Variants in CYFIP1 observed in about 807,000 individuals in gnomAD.
CYFIP1 encodes the protein cytoplasmic FMR1-interacting protein 1.
A neutral mutation model predicts 163.5 loss-of-function variants in CYFIP1; 58 were observed. That is an observed-to-expected ratio of 0.35 (90% CI 0.29 to 0.44). The LOEUF is 0.44. CYFIP1 is among the 20% of genes least tolerant of loss of function. The pLI is 1.00. For synonymous variants in CYFIP1, 663 were observed against 660.7 expected, an observed-to-expected ratio of 1.00 and a Z score of -0.05; for missense variants, 1,338 against 1,653.8, an observed-to-expected ratio of 0.81 and a Z score of 3.31.
At chr15:22,895,657 C>T (rs1189177884) in intron 22 of CYFIP1, among the ~76,000 whole-genome samples, 2 of 152,144 alleles carry the variant, frequency 1.3e-5, no homozygotes, top group African/African-American at 4.8e-5. Context: ...TGGGGCTGGC[C>T]ACACCAGAAA....
Position 22,883,746 on chromosome 15 carries a change from T to G in CYFIP1, c.2677-735A>C, listed in dbSNP as rs549839789. ...GCAGGAGAATGGCATGAACCTGGGA[T>G]GTGGAGCTTGCAGTGAGCCGAGATC... On this transcript the variant is annotated intron_variant, in intron 23 of 30. Coordinates refer to ENST00000617928, the MANE Select transcript of CYFIP1 (RefSeq NM_014608.6). 3.7e-4 allele frequency among the ~76,000 whole-genome samples: 53 copies of G among 144,984 alleles called. 1 individual carries two copies. Among genetic ancestry groups the G allele is most frequent in the Admixed American group, 2.7e-3 (38 of 13,870 alleles).
At chr15:22,950,287 C>A (rs1411264434) in intron 1 of CYFIP1, among the ~76,000 whole-genome samples, 1 of 152,068 alleles carries the variant, frequency 6.6e-6, no homozygotes, top group Non-Finnish European at 1.5e-5. Flanking sequence ...GTAGGTAAGT[C>A]GAAAGCAAAA....
chr15:22,925,425 CG>C (rs2061327659), intron 13 of CYFIP1, among the ~76,000 whole-genome samples: 1 of 152,060 alleles, frequency 6.6e-6, no homozygotes, highest in Non-Finnish European at 1.5e-5. Context: ...AAGGTGGCAG[CG>C]TGAGGGTTGG....
At chr15:22,875,466 C>CTTGGA (rs2059556074) in intron 26 of CYFIP1, 195 bp from the exon 27 acceptor site, 3 of 609,686 alleles carry the variant, frequency 4.9e-6, no homozygotes, top group Non-Finnish European at 8.9e-6. Flanking sequence ...GCCAGCCATG[C>CTTGGA]ATGCCTAGTA....
chr15:22,874,437 G>A (rs2059525877), intron 28 of CYFIP1, 113 bp downstream of exon 28: 6 of 702,888 alleles, frequency 8.5e-6, no homozygotes, highest in Non-Finnish European at 1.4e-5. Flanking sequence ...GGCCTGAGCA[G>A]CCACGCAGCC....
chr15:22,926,153 C>T (rs370454655), intron 12 of CYFIP1, 46 bp from the exon 13 acceptor site: 39 of 1,611,084 alleles, frequency 2.4e-5, no homozygotes, highest in African/African-American at 1.3e-4. Flanking sequence ...GCATGCAAAA[C>T]GCCTGGCTTC....
intron 21 of CYFIP1, among the ~76,000 whole-genome samples, chr15:22,908,914 C>A (rs1457574701): frequency 6.6e-6 from 1 of 152,088 alleles, no homozygotes; most frequent in East Asian, 1.9e-4. Context: ...CCATAGTTGG[C>A]GATTTTTTCA....
chr15:22,899,733 A>C (rs752710196), intron 22 of CYFIP1, among the ~76,000 whole-genome samples: 13 of 152,116 alleles, frequency 8.5e-5, no homozygotes, highest in Non-Finnish European at 1.6e-4. Context: ...CATGTGGGCT[A>C]TGGGTTGTAC....
At chr15:22,971,162 C>G (rs2063081955) in intron 1 of CYFIP1, among the ~76,000 whole-genome samples, 1 of 152,182 alleles carries the variant, frequency 6.6e-6, no homozygotes, top group African/African-American at 2.4e-5. Context: ...CTATAAAACT[C>G]TTAGAAGAAA....
intron 13 of CYFIP1, among the ~76,000 whole-genome samples, chr15:22,925,743 C>T (rs1322858531): frequency 6.6e-6 from 1 of 152,142 alleles, no homozygotes; most frequent in African/African-American, 2.4e-5. Context: ...CACTGCTCTC[C>T]ATCCAGACGC....
At chr15:22,875,102 A>G (rs1382321764) in intron 27 of CYFIP1, 97 bp downstream of exon 27, 6 of 1,175,770 alleles carry the variant, frequency 5.1e-6, no homozygotes, top group Non-Finnish European at 7.6e-6. Context: ...CGCCAAACCC[A>G]CAATCTGCAC....
chr15:22,938,684 C>T (rs1175997709), intron 8 of CYFIP1, among the ~76,000 whole-genome samples: 3 of 152,026 alleles, frequency 2.0e-5, no homozygotes, highest in Non-Finnish European at 1.5e-5. Flanking sequence ...AGGAGGGTCC[C>T]TTGAGCCCAG....
chr15:22,933,930 A>G (rs1182486380), intron 9 of CYFIP1, 37 bp from the exon 10 acceptor site: 11 of 1,454,696 alleles, frequency 7.6e-6, no homozygotes, highest in South Asian at 1.2e-5. Flanking sequence ...GTCATTATGT[A>G]TATTTAGTCA....
rs2061076082 is a variant in CYFIP1, at chr15:22,918,631, GA to G, written c.1526+60del. ...TGAGAATTTAACGCTCCTGTTGTTT[GA>G]ATCCAAGTTCATCCGAGGACGTGTG... On this transcript the variant is annotated intron_variant, in intron 14 of 30. Transcript: ENST00000617928. 5 of 1,425,232 alleles carry G rather than the reference GA, an allele frequency of 3.5e-6. No homozygotes were observed. In the South Asian group the frequency reaches 7.4e-5, roughly 21 times the overall value. The allele number at this position is 1,425,232 out of a possible 1,614,324, so 88.3% of individuals were successfully genotyped here.
Position 22,941,027 on chromosome 15 carries a change from G to A in CYFIP1, c.570-1520C>T, listed in dbSNP as rs539657357. Among the ~76,000 whole-genome samples, 14 of 152,258 alleles carry A rather than the reference G, an allele frequency of 9.2e-5. No individual in the cohort carries two copies. The South Asian group carries it at 2.9e-3, about 32-fold the overall frequency. On this transcript the variant is annotated intron_variant, in intron 6 of 30. Transcript: ENST00000617928. ...ACCGCACTCCAGCCTGGGCCAGTGAGACTCTGTCTCAAAAAGAAAAAACCA... is the reference window on the plus strand; with the variant it reads ...ACCGCACTCCAGCCTGGGCCAGTGAAACTCTGTCTCAAAAAGAAAAAACCA...
chr15:22,890,461 C>G (rs1888791308), intron 23 of CYFIP1, among the ~76,000 whole-genome samples: 1 of 152,182 alleles, frequency 6.6e-6, no homozygotes, highest in South Asian at 2.1e-4. Context: ...GCACCCCTGC[C>G]CAGGCGTGCA....
intron 23 of CYFIP1, among the ~76,000 whole-genome samples, chr15:22,891,553 C>T (rs1485380638): frequency 1.3e-5 from 2 of 152,378 alleles, no homozygotes; most frequent in Middle Eastern, 3.4e-3. Context: ...ACAGTTCAGA[C>T]GACCTGTCTC....
intron 1 of CYFIP1, chr15:22,951,642 G>A (rs1226940525): frequency 1.1e-5 from 11 of 1,014,058 alleles, no homozygotes; most frequent in South Asian, 2.9e-5. Flanking sequence ...GGCCCCACGC[G>A]GGTCAACAAG....
intron 26 of CYFIP1, 73 bp from the exon 27 acceptor site, chr15:22,875,344 G>C: frequency 8.0e-7 from 1 of 1,249,344 alleles, no homozygotes; most frequent in Non-Finnish European, 1.2e-6. Context: ...TGAAAACCAA[G>C]AACTTCTTTG....
Sources: gnomAD v4.1 joint callset for allele counts (sites outside exome capture counted in the v4.1 genomes callset) on GRCh38, gnomAD v4.1.1 for gene constraint, MANE v1.5 for transcripts, NCBI Gene and HGNC (gene_info 2026-07-23, HGNC 2026-07-21) for gene names.